KRT76: variants seen among roughly 807,000 people sequenced by gnomAD.
KRT76 encodes the protein keratin, type II cytoskeletal 2 oral.
KRT76 carries 47 observed loss-of-function variants against 44.9 expected under a neutral mutation model. The ratio of observed to expected loss-of-function variants is 1.05; its 90% CI spans 0.83 to 1.33. The LOEUF is 1.33. KRT76 is among the 40% of genes most tolerant of loss of function. The probability of loss-of-function intolerance (pLI) is 0.00; values close to 1 mark genes in which losing one functional copy is unlikely to be tolerated. For synonymous variants in KRT76, 331 were observed against 294.1 expected (o/e 1.13, Z -1.28); for missense variants, 860 against 775.8 (o/e 1.11, Z -1.29).
At chr12:52,774,592 G>A (rs537951422) in intron 2 of KRT76, among the ~76,000 whole-genome samples, 2 of 152,272 alleles carry the variant, frequency 1.3e-5, no homozygotes, top group South Asian at 2.1e-4. Flanking sequence ...AGGTCTCTAG[G>A]CAGGACCTCT....
chr12:52,773,719 T>C, intron 2 of KRT76, 77 bp from the exon 3 acceptor site: 1 of 1,240,880 alleles, frequency 8.1e-7, no homozygotes, highest in Non-Finnish European at 1.2e-6. Context: ...CCAGGCACTC[T>C]CCTCACCTGC....
rs768312111 is a variant in KRT76 at position 52,775,561 on chromosome 12, C to T, written c.642G>A (p.Lys214=). 1.9e-6 allele frequency: 3 copies of T among 1,613,964 alleles called. No individual in the cohort carries two copies. Among genetic ancestry groups the T allele is most frequent in the South Asian group, 2.2e-5 (2 of 91,070 alleles). ...TGGTCTGCTGCTGGAGCAGTTCCCA[C>T]TTGGTCTCCAGGACCTTGTTCTGCT... ...LEQQNKVLET[K]WELLQQQTTG... Residue 214 remains lysine, a synonymous_variant, in exon 2 of 9, where the codon AAG becomes AAA. Transcript: ENST00000332411.
chr12:52,774,527 C>T (rs566278107), intron 2 of KRT76, among the ~76,000 whole-genome samples: 1 of 152,292 alleles, frequency 6.6e-6, no homozygotes, highest in South Asian at 2.1e-4. Flanking sequence ...AAATCTACTA[C>T]CAAGAGTTTG....
rs750741913 is a variant in KRT76 at position 52,768,964 on chromosome 12, C to A, written c.1666G>T (p.Gly556Cys). The stretch of plus-strand genomic sequence containing the variant: ...CTGCTGACCCCTCCATAGCCACTGC[C>A]GCTGCCGCCACTGACTCCATAGCCA... Reference protein sequence around the residue: ...SSGYGVSGGSGSGYGGVSSGS... With the variant: ...SSGYGVSGGSCSGYGGVSSGS... The change falls in exon 9 of 9, where the codon GGC becomes TGC. Residue 556 changes from glycine (G) to cysteine (C), a missense_variant. Transcript: ENST00000332411. 1 of 1,279,694 alleles carries A rather than the reference C, an allele frequency of 7.8e-7. No homozygotes were observed. The highest frequency in any genetic ancestry group is 1.1e-6 in the Non-Finnish European group (1 of 892,936). 79.3% of individuals were successfully genotyped at this position (1,279,694 alleles called of 1,614,324 possible). A position where few individuals can be genotyped will look rare whatever the true frequency, so the allele number is the denominator to read the frequency against.
At chr12:52,774,312 G>T (rs970258328) in intron 2 of KRT76, among the ~76,000 whole-genome samples, 5 of 152,178 alleles carry the variant, frequency 3.3e-5, no homozygotes, top group African/African-American at 1.2e-4. Context: ...CTGACCACTT[G>T]CCTAGGCTCT....
Position 52,768,996 on chromosome 12 carries a change from C to T in KRT76, c.1634G>A (p.Ser545Asn). 3.2e-6 allele frequency: 3 copies of T among 935,324 alleles called. No homozygotes were observed. Among genetic ancestry groups the T allele is most frequent in the Non-Finnish European group, 3.4e-6 (2 of 582,854 alleles). 57.9% of individuals were successfully genotyped at this position (935,324 alleles called of 1,614,324 possible). A position where few individuals can be genotyped will look rare whatever the true frequency, so the allele number is the denominator to read the frequency against. The change falls in exon 9 of 9, where the codon AGC becomes AAC. Residue 545 changes from serine to asparagine, a missense_variant. Coordinates refer to ENST00000332411, the MANE Select transcript of KRT76 (RefSeq NM_015848.4). ...GGYKGGSSSSSSSGYGVSGGS... is the reference protein window; with the variant it reads ...GGYKGGSSSSNSSGYGVSGGS... ...GCCACTGACTCCATAGCCACTGCTG[C>T]TGCTGCTGCTGCTGCCGCCTTTGTA...
At position 52,772,104 on chromosome 12, in the gene KRT76, T is replaced by C. The variant is rs759134376; in HGVS notation, c.1127A>G (p.Tyr376Cys). 3.1e-6 allele frequency: 5 copies of C among 1,610,782 alleles called. No individual in the cohort carries two copies. The Admixed American group carries it at 6.7e-5, about 21-fold the overall frequency. Residue 376 changes from tyrosine (Y) to cysteine (C), a missense_variant, in exon 5 of 9, where the codon TAC (tyrosine) becomes TGC (cysteine). Tyr to Cys is a radical substitution (Grantham distance 194, BLOSUM62 -2). Coordinates refer to ENST00000332411, the MANE Select transcript of KRT76 (RefSeq NM_015848.4). ...QRSKSEAEAL[Y>C]QTKLGELQTT... ...AGGGAGGGTTCCCACCTTGGTCTGG[T>C]ACAGGGCCTCAGCTTCAGACTTGCT...
chr12:52,772,912 C>A (rs775767189), intron 3 of KRT76, 34 bp from the exon 4 acceptor site: 1 of 1,464,296 alleles, frequency 6.8e-7, no homozygotes, highest in South Asian at 1.1e-5. Context: ...GAGAATGACC[C>A]TCTGTTCCCC....
At position 52,775,396 on chromosome 12, in the gene KRT76, G is replaced by A. The variant is rs762838076; in HGVS notation, c.807C>T (p.Phe269=). The change falls in exon 2 of 9, where the codon TTC becomes TTT. Residue 269 remains phenylalanine, a synonymous_variant. Transcript: ENST00000332411. ...LKSMQDLVED[F]KKKYEDEINK... The stretch of plus-strand genomic sequence containing the variant: ...CCAGGAGGAGCCCTCACTTCTTTTT[G>A]AAGTCTTCCACCAGGTCCTGCATGC... 2 of 1,614,024 alleles carry A rather than the reference G, an allele frequency of 1.2e-6. No individual in the cohort carries two copies. Among genetic ancestry groups the A allele is most frequent in the Admixed American group, 3.3e-5 (2 of 60,010 alleles).
rs1352785659 is a variant in KRT76 at position 52,777,194 on chromosome 12, A to T, written c.98T>A (p.Val33Glu). The T allele has an allele frequency of 6.2e-7, 1 of 1,614,076 alleles. No individual in the cohort carries two copies. Among genetic ancestry groups the T allele is most frequent in the Admixed American group, 1.7e-5 (1 of 60,008 alleles). Residue 33 changes from valine (V) to glutamate (E), a missense_variant, in exon 1 of 9, where the codon GTG becomes GAG. Transcript: ENST00000332411. Reference protein sequence around the residue: ...VVSGSSRMSCVARSGGAGGGA... With the variant: ...VVSGSSRMSCEARSGGAGGGA... ...TCCACCAGCTCCCCCAGAGCGGGCCACACAGCTCATCCTGCTGCTGCCGGA... is the reference window on the plus strand; with the variant it reads ...TCCACCAGCTCCCCCAGAGCGGGCCTCACAGCTCATCCTGCTGCTGCCGGA...
chr12:52,776,937 C>T lies in KRT76; in HGVS notation c.355G>A (p.Ala119Thr), dbSNP rs1382248343. ...CCACCAGCTCCACCAAAGCCACCAG[C>T]CCCTCCAAAACCACTACCTACTCCT... Reference protein sequence around the residue: ...GRGVGSGFGGAGGFGGAGGFG... With the variant: ...GRGVGSGFGGTGGFGGAGGFG... Residue 119 changes from alanine to threonine, a missense_variant, in exon 1 of 9, where the codon GCT (alanine) becomes ACT (threonine). Transcript: ENST00000332411. 1.2e-6 allele frequency: 2 copies of T among 1,613,826 alleles called. No homozygotes were observed. Among genetic ancestry groups the T allele is most frequent in the Non-Finnish European group, 1.7e-6 (2 of 1,179,804 alleles).
intron 7 of KRT76, 83 bp from the exon 8 acceptor site, chr12:52,769,666 G>A (rs931757750): frequency 6.4e-6 from 8 of 1,249,830 alleles, no homozygotes; most frequent in East Asian, 2.3e-5. Context: ...TGGGAGCCAC[G>A]CCCTCCCATT....
chr12:52,771,912 T>G lies in KRT76; in HGVS notation c.1222A>C (p.Ile408Leu). ...KSEIMELNRM[I>L]QRLRAEIENV... ...TCAATCTCAGCCCGTAGCCTCTGGA[T>G]CATCCTGTTGAGCTCCATGATCTCA... Residue 408 changes from isoleucine to leucine, a missense_variant, in exon 6 of 9, where the codon ATC becomes CTC. By Grantham distance (5) the Ile-to-Leu change is conservative. Transcript: ENST00000332411. 1 of 1,614,156 alleles carries G rather than the reference T, an allele frequency of 6.2e-7. No individual in the cohort carries two copies. Among genetic ancestry groups the G allele is most frequent in the Non-Finnish European group, 8.5e-7 (1 of 1,180,000 alleles).
At chr12:52,775,993 G>A (rs1939255914) in intron 1 of KRT76, among the ~76,000 whole-genome samples, 1 of 152,164 alleles carries the variant, frequency 6.6e-6, no homozygotes, top group African/African-American at 2.4e-5. Context: ...ACCACTGAAG[G>A]AGGTAAGCAC....
Position 52,773,655 on chromosome 12 carries a change from G to C in KRT76, c.816-13C>G. ...TTCATCTTCATACCTGGAACAAGAA[G>C]AGGCACACATTTGAACACTGGCATT... On this transcript the variant is annotated splice_polypyrimidine_tract_variant and intron_variant, in intron 2 of 8. Transcript: ENST00000332411. 1 of 1,611,272 alleles carries C rather than the reference G, an allele frequency of 6.2e-7. No individual in the cohort carries two copies. The highest frequency in any genetic ancestry group is 2.2e-5 in the East Asian group (1 of 44,866).
chr12:52,770,561 G>A (rs930827951), intron 7 of KRT76, among the ~76,000 whole-genome samples: 4 of 152,102 alleles, frequency 2.6e-5, no homozygotes, highest in African/African-American at 9.7e-5. Flanking sequence ...GCCACATGAT[G>A]CTATTTAAGT....
At position 52,769,437 on chromosome 12, in the gene KRT76, G is replaced by A. The variant is rs532553058; in HGVS notation, c.1519+112C>T. ...CTGAGATCCTAGACGCTGTCAGGTGGCCTGACTTCCTTGGATGGAACAGGC... is the reference window on the plus strand; with the variant it reads ...CTGAGATCCTAGACGCTGTCAGGTGACCTGACTTCCTTGGATGGAACAGGC... On this transcript the variant is annotated intron_variant, in intron 8 of 8. Transcript: ENST00000332411. 100 of 890,630 alleles carry A rather than the reference G, an allele frequency of 1.1e-4. No individual in the cohort carries two copies. In the African/African-American group the frequency reaches 1.6e-3, roughly 14 times the overall value. 55.2% of individuals were successfully genotyped at this position (890,630 alleles called of 1,614,324 possible).
In KRT76 at chr12:52,772,160, G is replaced by A. The variant is rs868770832; in HGVS notation, c.1071C>T (p.Val357=). ...CLDLGSIIAE[V]RAQYEEIAQR... is the part of the protein sequence containing the mutation. ...GGGCAATCTCCTCATACTGGGCGCGGACCTCGGCAATGATGCTGCCCAGGT... is the reference window on the plus strand; with the variant it reads ...GGGCAATCTCCTCATACTGGGCGCGAACCTCGGCAATGATGCTGCCCAGGT... The change falls in exon 5 of 9, where the codon GTC becomes GTT. Residue 357 remains valine (V), a synonymous_variant. Transcript: ENST00000332411. 6.2e-7 allele frequency: 1 copy of A among 1,613,754 alleles called. No homozygotes were observed. The highest frequency in any genetic ancestry group is 8.5e-7 in the Non-Finnish European group (1 of 1,179,740).
At chr12:52,770,717 G>A (rs1278957069) in intron 7 of KRT76, among the ~76,000 whole-genome samples, 1 of 152,138 alleles carries the variant, frequency 6.6e-6, no homozygotes, top group African/African-American at 2.4e-5. Context: ...GGACAGCACT[G>A]GTCTATCACT....
Sources: allele counts gnomAD v4.1 joint callset (sites outside exome capture counted in the v4.1 genomes callset), GRCh38; gene constraint gnomAD v4.1.1; transcripts MANE v1.5; gene names NCBI Gene and HGNC (gene_info 2026-07-23, HGNC 2026-07-21).